Variants in INPP5B observed in about 807,000 individuals in gnomAD.
INPP5B encodes the protein inositol polyphosphate-5-phosphatase B.
A neutral mutation model predicts 118.5 loss-of-function variants in INPP5B; 90 were observed. The ratio of observed to expected loss-of-function variants is 0.76; its 90% CI spans 0.64 to 0.90. The LOEUF (loss-of-function observed/expected upper bound fraction) is 0.90. Ranked by LOEUF, INPP5B falls within the 40% of genes least tolerant of loss-of-function variation. INPP5B has a pLI of 0.00. For missense variants in INPP5B, 984 were observed against 1,125.6 expected (o/e 0.87, Z 1.80); for synonymous variants, 385 against 418.9 (o/e 0.92, Z 0.99).
chr1:37,890,526 G>GT (rs1410364909), intron 8 of INPP5B, among the ~76,000 whole-genome samples: 5 of 151,666 alleles, frequency 3.3e-5, no homozygotes, highest in African/African-American at 1.2e-4. Context: ...ACTGATACAA[G>GT]TAAGTGTTTT....
chr1:37,921,988 T>C (rs1010057929), intron 7 of INPP5B, among the ~76,000 whole-genome samples: 1 of 152,098 alleles, frequency 6.6e-6, no homozygotes, highest in Non-Finnish European at 1.5e-5. Context: ...GCCGAGATCA[T>C]GCCACTGCAC....
At chr1:37,942,719 G>T (rs1187248919) in intron 5 of INPP5B, among the ~76,000 whole-genome samples, 1 of 152,064 alleles carries the variant, frequency 6.6e-6, no homozygotes, top group Non-Finnish European at 1.5e-5. Context: ...GACCAGCCTG[G>T]CCAACATGGC....
At chr1:37,920,903 G>A (rs1204916604) in intron 7 of INPP5B, among the ~76,000 whole-genome samples, 3 of 151,994 alleles carry the variant, frequency 2.0e-5, no homozygotes, top group Non-Finnish European at 4.4e-5. Flanking sequence ...TCAGGAGATC[G>A]AGACCATCCT....
intron 13 of INPP5B, 66 bp downstream of exon 13, chr1:37,885,572 G>T: frequency 6.9e-7 from 1 of 1,440,234 alleles, no homozygotes; most frequent in Non-Finnish European, 9.6e-7. Context: ...ATCTCCCCAT[G>T]AAAAGACAGA....
At chr1:37,896,326 C>T (rs1164042981) in intron 7 of INPP5B, among the ~76,000 whole-genome samples, 5 of 150,580 alleles carry the variant, frequency 3.3e-5, no homozygotes, top group Admixed American at 6.6e-5. Context: ...GCAACCGCCC[C>T]GTCTGAGAAG....
At chr1:37,898,513 G>A (rs1644207608) in intron 7 of INPP5B, among the ~76,000 whole-genome samples, 1 of 152,076 alleles carries the variant, frequency 6.6e-6, no homozygotes, top group South Asian at 2.1e-4. Flanking sequence ...GACTAACACG[G>A]TGAAACCCCA....
chr1:37,903,996 G>A (rs1644419742), intron 7 of INPP5B, among the ~76,000 whole-genome samples: 1 of 152,130 alleles, frequency 6.6e-6, no homozygotes, highest in Non-Finnish European at 1.5e-5. Flanking sequence ...TACATGCAAG[G>A]TGTGTAAAGA....
At chr1:37,922,850 T>C (rs897648275) in intron 7 of INPP5B, among the ~76,000 whole-genome samples, 1 of 152,240 alleles carries the variant, frequency 6.6e-6, no homozygotes, top group East Asian at 1.9e-4. Flanking sequence ...ATGACCAGTT[T>C]AGCTTTCAAG....
At chr1:37,878,593 A>T (rs1642988059) in intron 15 of INPP5B, 1 of 593,398 alleles carries the variant, frequency 1.7e-6, no homozygotes, top group African/African-American at 2.0e-5. Context: ...GGAGAGAATT[A>T]AAAAACCAAT....
At chr1:37,893,018 T>C (rs901563991) in intron 7 of INPP5B, among the ~76,000 whole-genome samples, 1 of 151,558 alleles carries the variant, frequency 6.6e-6, no homozygotes, top group African/African-American at 2.4e-5. Context: ...CTGTGAAAAA[T>C]AAATCTCTGA....
At chr1:37,877,000 C>G (rs904206562) in intron 16 of INPP5B, among the ~76,000 whole-genome samples, 2 of 151,760 alleles carry the variant, frequency 1.3e-5, no homozygotes, top group African/African-American at 4.8e-5. Flanking sequence ...GGCCGCAGTT[C>G]GCTGTGACTG....
intron 15 of INPP5B, among the ~76,000 whole-genome samples, chr1:37,878,746 T>G (rs1174104486): frequency 6.6e-6 from 1 of 151,614 alleles, no homozygotes; most frequent in African/African-American, 2.4e-5. Context: ...ACCTCCCAGG[T>G]TCAAGCAATT....
intron 5 of INPP5B, chr1:37,941,958 A>AAAAAATATATATATAT (rs1427344681): frequency 6.6e-5 from 2 of 30,384 alleles, no homozygotes; most frequent in African/African-American, 3.0e-4. Context: ...AAAAAAAAAA[A>AAAAAATATATATATAT]ATATATATAT....
intron 1 of INPP5B, 50 bp from the exon 2 acceptor site, chr1:37,946,384 G>C (rs929317521): frequency 7.1e-7 from 1 of 1,416,920 alleles, no homozygotes; most frequent in South Asian, 1.2e-5. Flanking sequence ...GTTACGCATG[G>C]GGTGGTGGAG....
intron 7 of INPP5B, among the ~76,000 whole-genome samples, chr1:37,913,585 C>G (rs1644772206): frequency 6.6e-6 from 1 of 152,066 alleles, no homozygotes. Context: ...TCTAACAACC[C>G]CACAATATCA....
chr1:37,874,191 C>T (rs376405150), intron 17 of INPP5B, 36 bp from the exon 18 acceptor site: 91 of 1,482,928 alleles, frequency 6.1e-5, no homozygotes, highest in Admixed American at 1.3e-4. Context: ...AAACCAGTGC[C>T]CTTTCCTCAG....
chr1:37,932,155 A>C (rs899272867), intron 6 of INPP5B, 102 bp from the exon 7 acceptor site: 185 of 960,000 alleles, frequency 1.9e-4, no homozygotes, highest in Non-Finnish European at 2.5e-4. Flanking sequence ...TCTCCCGCGC[A>C]CAGAAGGGTT....
At chr1:37,896,708 C>G (rs1459130786) in intron 7 of INPP5B, among the ~76,000 whole-genome samples, 3 of 138,804 alleles carry the variant, frequency 2.2e-5, no homozygotes, top group Admixed American at 6.9e-5. Context: ...GCCAGCCGCC[C>G]CGTCCGGGAG....
chr1:37,875,291 T>C (rs3748804), intron 17 of INPP5B, among the ~76,000 whole-genome samples: 90,366 of 151,866 alleles, frequency 0.6, 28,697 homozygotes, highest in Non-Finnish European at 0.71. Flanking sequence ...TTTTTTGAGA[T>C]GGAGTCTCAC....
Sources: allele counts gnomAD v4.1 joint callset (sites outside exome capture counted in the v4.1 genomes callset), GRCh38; gene constraint gnomAD v4.1.1; transcripts MANE v1.5; gene names NCBI Gene and HGNC (gene_info 2026-07-23, HGNC 2026-07-21).